TFB2M: variants seen among roughly 807,000 people sequenced by gnomAD.
The protein encoded by TFB2M is dimethyladenosine transferase 2, mitochondrial.
TFB2M carries 44 observed loss-of-function variants against 41.3 expected under a neutral mutation model. That is an observed-to-expected ratio of 1.07 (90% CI 0.84 to 1.37). The LOEUF is 1.37. Ranked by LOEUF, TFB2M falls within the 40% of genes most tolerant of loss-of-function variation. TFB2M has a pLI of 0.00. For missense variants in TFB2M, 496 were observed against 490.2 expected (o/e 1.01, Z -0.11); for synonymous variants, 188 against 176.8 (o/e 1.06, Z -0.50).
At position 246,556,738 on chromosome 1, in the gene TFB2M, CAA is replaced by C; in HGVS notation, c.557-19_557-18del. On this transcript the variant is annotated intron_variant, in intron 3 of 7. Transcript: ENST00000366514. ...AAGGGATGTCTGTTAGGAATATAAG[CAA>C]AAAGATTTGAATAAAGTTCTTAGCA... is the stretch of plus-strand genomic sequence containing the variant. The C allele has an allele frequency of 6.5e-7, 1 of 1,536,700 alleles. No individual in the cohort carries two copies. The highest frequency in any genetic ancestry group is 8.7e-7 in the Non-Finnish European group (1 of 1,153,502).
At chr1:246,543,604 C>T (rs1296613760) in intron 7 of TFB2M, among the ~76,000 whole-genome samples, 2 of 152,006 alleles carry the variant, frequency 1.3e-5, no homozygotes, top group African/African-American at 4.8e-5. Context: ...AACCCCAGCA[C>T]TACTTACAGA....
rs148507044 is a variant in TFB2M, at chr1:246,541,086, C to G, written c.1136G>C (p.Arg379Pro). Residue 379 changes from arginine to proline, a missense_variant, in exon 8 of 8, where the codon CGT (arginine) becomes CCT (proline). Physicochemically the swap from Arg to Pro is moderately radical, Grantham distance 103 (BLOSUM62 -2). Transcript: ENST00000366514. ...DFKTLFETIE[R>P]SKDCAYKWLY... The stretch of plus-strand genomic sequence containing the variant: ...CCATTTATAAGCACAATCTTTGGAA[C>G]GCTCTATAGTTTCAAAAAGTGTTTT... The G allele has an allele frequency of 6.2e-7, 1 of 1,613,408 alleles. No individual in the cohort carries two copies. Among genetic ancestry groups the G allele is most frequent in the Non-Finnish European group, 8.5e-7 (1 of 1,179,646 alleles).
At chr1:246,561,586 G>C (rs1179162039) in intron 2 of TFB2M, among the ~76,000 whole-genome samples, 2 of 152,036 alleles carry the variant, frequency 1.3e-5, no homozygotes, top group African/African-American at 4.8e-5. Flanking sequence ...TCCTGCCTCA[G>C]CCTCCCAAGT....
At chr1:246,554,458 G>A (rs771158227) in intron 4 of TFB2M, among the ~76,000 whole-genome samples, 1 of 152,060 alleles carries the variant, frequency 6.6e-6, no homozygotes, top group African/African-American at 2.4e-5. Flanking sequence ...ATCAGCAGCC[G>A]CCTTAGATTC....
chr1:246,566,116 A>G lies in TFB2M; in HGVS notation c.23T>C (p.Leu8Pro). Reference protein sequence around the residue: MWIPVVGLPRRLRLSALA... With the variant: MWIPVVGPPRRLRLSALA... ...GGCGGAGAGCCTCAGCCGCCGAGGA[A>G]GCCCGACCACTGGGATCCACATGTC... The change falls in exon 1 of 8, where the codon CTT becomes CCT. Residue 8 changes from leucine (L) to proline (P), a missense_variant. Transcript: ENST00000366514. 1 of 1,610,374 alleles carries G rather than the reference A, an allele frequency of 6.2e-7. No individual in the cohort carries two copies. The highest frequency in any genetic ancestry group is 8.5e-7 in the Non-Finnish European group (1 of 1,177,244).
At chr1:246,559,573 A>G (rs1246249404) in intron 2 of TFB2M, among the ~76,000 whole-genome samples, 1 of 152,180 alleles carries the variant, frequency 6.6e-6, no homozygotes, top group East Asian at 1.9e-4. Flanking sequence ...AAACAAATCT[A>G]GTACATTTTA....
chr1:246,551,330 G>T (rs75477023), intron 4 of TFB2M, 28 bp from the exon 5 acceptor site: 32 of 1,479,750 alleles, frequency 2.2e-5, no homozygotes, highest in Non-Finnish European at 3.0e-5. Flanking sequence ...AAAATTACAT[G>T]TTATACACAT....
chr1:246,543,156 C>T (rs1658909117), intron 7 of TFB2M, among the ~76,000 whole-genome samples: 1 of 152,028 alleles, frequency 6.6e-6, no homozygotes, highest in South Asian at 2.1e-4. Context: ...AACCACTGCA[C>T]CCAGGCTATT....
rs1294056098 is a variant in TFB2M, at chr1:246,541,208, A to G, written c.1020-6T>C. The stretch of plus-strand genomic sequence containing the variant: ...CATCAAGTGGAGTCAATGAACTGCA[A>G]AAGAAATACAAAGTAAATGTACTTA... On this transcript the variant is annotated splice_region_variant and splice_polypyrimidine_tract_variant and intron_variant, in intron 7 of 7. Transcript: ENST00000366514. The G allele has an allele frequency of 3.1e-6, 5 of 1,611,778 alleles. No homozygotes were observed. The East Asian group carries it at 1.1e-4, about 36-fold the overall frequency.
intron 6 of TFB2M, 57 bp downstream of exon 6, chr1:246,548,488 A>T (rs1055854275): frequency 1.3e-6 from 2 of 1,494,960 alleles, no homozygotes; most frequent in Non-Finnish European, 1.8e-6. Context: ...CTAAAAAAAT[A>T]AAATAAAAAA....
In TFB2M at chr1:246,552,813, C is replaced by T. The variant is rs1406494434; in HGVS notation, c.706-1511G>A. Among the ~76,000 whole-genome samples the T allele has an allele frequency of 3.3e-5, 5 of 151,054 alleles. No homozygotes were observed. The South Asian group carries it at 6.3e-4, about 19-fold the overall frequency. On this transcript the variant is annotated intron_variant, in intron 4 of 7. Coordinates refer to ENST00000366514, the MANE Select transcript of TFB2M (RefSeq NM_022366.3). ...ATTCAGCTGAGTATGGTAGCTCACA[C>T]TTGTAATCCCAGCATTTTGGGAGGC...
intron 2 of TFB2M, 21 bp downstream of exon 2, chr1:246,564,325 G>A (rs753555543): frequency 6.2e-7 from 1 of 1,606,698 alleles, no homozygotes; most frequent in Admixed American, 1.7e-5. Flanking sequence ...AATAACATAC[G>A]TTGAGAAACT....
chr1:246,546,856 T>A (rs142083082), intron 6 of TFB2M, among the ~76,000 whole-genome samples: 15 of 152,106 alleles, frequency 9.9e-5, no homozygotes, highest in Non-Finnish European at 1.9e-4. Flanking sequence ...CATAGCAATA[T>A]GAGCACCTTG....
intron 2 of TFB2M, among the ~76,000 whole-genome samples, chr1:246,559,502 T>C (rs1206674011): frequency 2.0e-5 from 3 of 152,206 alleles, no homozygotes; most frequent in Non-Finnish European, 2.9e-5. Context: ...AGAGCTGAGA[T>C]TGCACCACTG....
rs1385669208 is a variant in TFB2M at position 246,551,202 on chromosome 1, A to T, written c.795+11T>A. 1 of 1,609,294 alleles carries T rather than the reference A, an allele frequency of 6.2e-7. No homozygotes were observed. Among genetic ancestry groups the T allele is most frequent in the Admixed American group, 1.7e-5 (1 of 59,902 alleles). ...AAGAAAAACGTTTTTAAACAGAAGGATTTTACTCACCATGTGCAGAACCTT... is the reference window on the plus strand; with the variant it reads ...AAGAAAAACGTTTTTAAACAGAAGGTTTTTACTCACCATGTGCAGAACCTT... On this transcript the variant is annotated intron_variant, in intron 5 of 7. Transcript: ENST00000366514.
rs767821956 is a variant in TFB2M at position 246,544,571 on chromosome 1, C to G, written c.969G>C (p.Leu323Phe). 1.9e-6 allele frequency: 3 copies of G among 1,610,008 alleles called. No individual in the cohort carries two copies. In the East Asian group the frequency reaches 6.7e-5, roughly 36 times the overall value. The change falls in exon 7 of 8, where the codon TTG becomes TTC. Residue 323 changes from leucine to phenylalanine, a missense_variant. By Grantham distance (22) the Leu-to-Phe change is conservative. Coordinates refer to ENST00000366514, the MANE Select transcript of TFB2M (RefSeq NM_022366.3). ...TGCGCCTCCCAAAACAGTGCTTTAACAAGTGAAAAAATATATTATAGTTCA... is the reference window on the plus strand; with the variant it reads ...TGCGCCTCCCAAAACAGTGCTTTAAGAAGTGAAAAAATATATTATAGTTCA... ...TPMNYNIFFH[L>F]LKHCFGRRSA... is the part of the protein sequence containing the mutation.
At chr1:246,542,293 A>G (rs1299387155) in intron 7 of TFB2M, among the ~76,000 whole-genome samples, 1 of 151,108 alleles carries the variant, frequency 6.6e-6, no homozygotes, top group Non-Finnish European at 1.5e-5. Context: ...TCAATGAGGT[A>G]TATTATATAC....
At chr1:246,557,896 C>T (rs1286419049) in intron 2 of TFB2M, among the ~76,000 whole-genome samples, 1 of 152,156 alleles carries the variant, frequency 6.6e-6, no homozygotes, top group Non-Finnish European at 1.5e-5. Flanking sequence ...GCCTCAATCT[C>T]TTGACCTCAT....
At chr1:246,545,157 C>G (rs780497438) in intron 6 of TFB2M, among the ~76,000 whole-genome samples, 8 of 152,132 alleles carry the variant, frequency 5.3e-5, no homozygotes, top group Non-Finnish European at 8.8e-5. Context: ...TTGGTCTTTA[C>G]CAATGAATTG....
Sources: allele counts gnomAD v4.1 joint callset (sites outside exome capture counted in the v4.1 genomes callset), GRCh38; gene constraint gnomAD v4.1.1; transcripts MANE v1.5; gene names NCBI Gene and HGNC (gene_info 2026-07-23, HGNC 2026-07-21).